FGF14: variants seen among roughly 807,000 people sequenced by gnomAD.
The protein encoded by FGF14 is fibroblast growth factor homologous factor 4.
In FGF14, 5 loss-of-function variants were observed where a neutral mutation model predicts 25.5. The ratio of observed to expected loss-of-function variants is 0.20; its 90% CI spans 0.10 to 0.41. The LOEUF (loss-of-function observed/expected upper bound fraction) is 0.41, where lower values mean the gene tolerates loss of function less well. FGF14 is among the 10% of genes least tolerant of loss of function. The pLI is 1.00. For missense variants in FGF14, 222 were observed against 320.1 expected, an observed-to-expected ratio of 0.69 and a Z score of 2.34; for synonymous variants, 138 against 118.3, an observed-to-expected ratio of 1.17 and a Z score of -1.08.
intron 3 of FGF14, among the ~76,000 whole-genome samples, chr13:101,828,204 A>G (rs2042491082): frequency 6.6e-6 from 1 of 152,080 alleles, no homozygotes. Context: ...GTAATGCAAT[A>G]GTTGAACTAC....
intron 1 of FGF14, among the ~76,000 whole-genome samples, chr13:102,218,407 A>T (rs1476569148): frequency 6.6e-6 from 1 of 152,034 alleles, no homozygotes; most frequent in Non-Finnish European, 1.5e-5. Flanking sequence ...GGAAATTAGA[A>T]TTTGAGGGGA....
chr13:101,979,487 G>A (rs1853502959), intron 1 of FGF14, among the ~76,000 whole-genome samples: 1 of 152,034 alleles, frequency 6.6e-6, no homozygotes, highest in South Asian at 2.1e-4. Context: ...AGAGAAAACC[G>A]AGGAACAGAG....
At chr13:102,330,915 G>C (rs1226505052) in intron 1 of FGF14, among the ~76,000 whole-genome samples, 1 of 152,146 alleles carries the variant, frequency 6.6e-6, no homozygotes, top group African/African-American at 2.4e-5. Context: ...ATCTAAAATA[G>C]CAATATGCCA....
chr13:102,040,941 C>T (rs1243765710), intron 1 of FGF14, among the ~76,000 whole-genome samples: 4 of 151,976 alleles, frequency 2.6e-5, no homozygotes, highest in Non-Finnish European at 5.9e-5. Context: ...AGTAAAAAAT[C>T]GCTTACCTAA....
intron 1 of FGF14, among the ~76,000 whole-genome samples, chr13:101,926,360 G>A (rs1237912024): frequency 6.6e-6 from 1 of 152,122 alleles, no homozygotes; most frequent in Non-Finnish European, 1.5e-5. Flanking sequence ...TTACTCGATT[G>A]AATCTCTAAT....
At chr13:102,252,055 G>C (rs1047116391) in intron 1 of FGF14, among the ~76,000 whole-genome samples, 3 of 152,128 alleles carry the variant, frequency 2.0e-5, no homozygotes, top group Non-Finnish European at 4.4e-5. Context: ...CCTGTATATC[G>C]ATGCGGCTAA....
At chr13:102,374,077 AT>A (rs2057964059) in intron 1 of FGF14, among the ~76,000 whole-genome samples, 1 of 152,150 alleles carries the variant, frequency 6.6e-6, no homozygotes, top group Non-Finnish European at 1.5e-5. Flanking sequence ...CTGAAAGTCT[AT>A]GTCTAATTGT....
rs565340167 is a variant in FGF14, at chr13:102,037,023, C to T, written c.209-161727G>A. Among the ~76,000 whole-genome samples, 135 of 152,158 alleles carry T rather than the reference C, an allele frequency of 8.9e-4. 1 individual carries two copies. Among genetic ancestry groups the T allele is most frequent in the Admixed American group, 8.8e-3 (135 of 15,258 alleles). ...CTTTCCAAATTCTATCTAGTCATCA[C>T]CCTAATGGATAACCATGTTCATCAG... is the stretch of plus-strand genomic sequence containing the variant. On this transcript the variant is annotated intron_variant, in intron 1 of 4. Transcript: ENST00000376131.
At position 101,817,692 on chromosome 13, in the gene FGF14, C is replaced by T. The variant is rs1045060077; in HGVS notation, c.408+51033G>A. Among the ~76,000 whole-genome samples, 12 of 152,246 alleles carry T rather than the reference C, an allele frequency of 7.9e-5. No individual in the cohort carries two copies. The East Asian group carries it at 1.7e-3, about 22-fold the overall frequency. ...CAGCCTCTGGTGTTCTGGGTGAAGGCGCTCTGCTAAGTGACACTGCCTTTC... is the reference window on the plus strand; with the variant it reads ...CAGCCTCTGGTGTTCTGGGTGAAGGTGCTCTGCTAAGTGACACTGCCTTTC... On this transcript the variant is annotated intron_variant, in intron 3 of 4. Transcript: ENST00000376143.
chr13:102,238,223 C>A (rs953107629), intron 1 of FGF14, among the ~76,000 whole-genome samples: 3 of 152,064 alleles, frequency 2.0e-5, no homozygotes, highest in African/African-American at 7.2e-5. Flanking sequence ...AAAGTGATGG[C>A]TTTAAGAGAT....
At chr13:102,205,984 TAAAAAAAAAAAA>T (rs36108366) in intron 1 of FGF14, among the ~76,000 whole-genome samples, 1 of 47,442 alleles carries the variant, frequency 2.1e-5, no homozygotes, top group African/African-American at 7.0e-5. Flanking sequence ...CTCCCTGTGG[TAAAAAAAAAAAA>T]AAAAAAAAAA....
intron 1 of FGF14, among the ~76,000 whole-genome samples, chr13:102,189,025 GAAAAGAAA>G (rs2049011357): frequency 1.5e-5 from 1 of 68,798 alleles, no homozygotes; most frequent in East Asian, 3.3e-4. Context: ...AATGAAAGAA[GAAAAGAAA>G]GAAAGAAAGA....
chr13:102,066,111 A>G (rs899590021), intron 1 of FGF14, among the ~76,000 whole-genome samples: 1 of 152,126 alleles, frequency 6.6e-6, no homozygotes, highest in African/African-American at 2.4e-5. Flanking sequence ...TAATAATAAC[A>G]TTTGGCTTAA....
intron 1 of FGF14, among the ~76,000 whole-genome samples, chr13:102,191,370 G>A (rs1218376940): frequency 6.6e-6 from 1 of 152,186 alleles, no homozygotes; most frequent in East Asian, 1.9e-4. Context: ...TCACAGTCCT[G>A]GAGGCTAGAA....
chr13:102,054,871 A>G (rs1286984529), intron 1 of FGF14, among the ~76,000 whole-genome samples: 3 of 152,088 alleles, frequency 2.0e-5, no homozygotes, highest in Non-Finnish European at 4.4e-5. Context: ...CAAATCTCAT[A>G]AGTATTATTG....
At chr13:102,183,613 G>C (rs532726026) in intron 1 of FGF14, among the ~76,000 whole-genome samples, 3 of 152,258 alleles carry the variant, frequency 2.0e-5, no homozygotes, top group South Asian at 4.1e-4. Flanking sequence ...GTCATTTGCT[G>C]TCAGAATGGA....
chr13:102,320,326 A>G (rs2056198120), intron 1 of FGF14, among the ~76,000 whole-genome samples: 1 of 151,818 alleles, frequency 6.6e-6, no homozygotes, highest in Non-Finnish European at 1.5e-5. Flanking sequence ...AATCAATGGC[A>G]AAAGTTTCAG....
At chr13:102,039,152 G>A (rs991081753) in intron 1 of FGF14, among the ~76,000 whole-genome samples, 10 of 152,078 alleles carry the variant, frequency 6.6e-5, no homozygotes, top group African/African-American at 2.2e-4. Flanking sequence ...TCTATCTCTC[G>A]CCCACACATT....
At chr13:102,095,350 G>C (rs1309291465) in intron 1 of FGF14, among the ~76,000 whole-genome samples, 1 of 152,136 alleles carries the variant, frequency 6.6e-6, no homozygotes, top group African/African-American at 2.4e-5. Flanking sequence ...ACAGTCATCA[G>C]TTTGGCAGAA....
Sources: gnomAD v4.1 joint callset for allele counts (sites outside exome capture counted in the v4.1 genomes callset) on GRCh38, gnomAD v4.1.1 for gene constraint, MANE v1.5 for transcripts, NCBI Gene and HGNC (gene_info 2026-07-23, HGNC 2026-07-21) for gene names.